Variants in CYP3A7 observed in about 807,000 individuals in gnomAD.
CYP3A7 encodes the protein cytochrome P450 3A7.
In CYP3A7, 45 loss-of-function variants were observed where a neutral mutation model predicts 55.2. The observed-to-expected ratio is 0.82, with a 90% CI of 0.64 to 1.05. CYP3A7 has a LOEUF of 1.05. Among genes scored for constraint, CYP3A7 ranks in the 50% least tolerant of loss-of-function variants. The pLI is 0.00. For synonymous variants in CYP3A7, 180 were observed against 207.4 expected (o/e 0.87, Z 1.13); for missense variants, 548 against 605.3 (o/e 0.91, Z 0.99).
chr7:99,734,448 T>G (rs917350163), intron 1 of CYP3A7, among the ~76,000 whole-genome samples: 3 of 152,106 alleles, frequency 2.0e-5, no homozygotes, highest in African/African-American at 7.2e-5. Flanking sequence ...CCATTGTCTA[T>G]TAGATTATCC....
chr7:99,731,004 C>G, intron 2 of CYP3A7, 55 bp downstream of exon 2: 1 of 1,602,090 alleles, frequency 6.2e-7, no homozygotes, highest in Non-Finnish European at 8.5e-7. Context: ...ACTGATGGAA[C>G]TAAGTTGCTC....
rs150350328 is a variant in CYP3A7 at position 99,734,510 on chromosome 7, G to A, written c.71+513C>T. On this transcript the variant is annotated intron_variant, in intron 1 of 12. Coordinates refer to ENST00000336374, the MANE Select transcript of CYP3A7 (RefSeq NM_000765.5). ...CTTTCCACTAAAGATGAATGGGGGA[G>A]ATGCTTATTTATTCCTTTATAGATC... Among the ~76,000 whole-genome samples, 35 of 152,244 alleles carry A rather than the reference G, an allele frequency of 2.3e-4. No homozygotes were observed. In the East Asian group the frequency reaches 6.6e-3, roughly 28 times the overall value.
chr7:99,714,511 T>G, intron 8 of CYP3A7, 44 bp downstream of exon 8: 1 of 1,607,250 alleles, frequency 6.2e-7, no homozygotes, highest in Non-Finnish European at 8.5e-7. Flanking sequence ...TTCTAAAAAA[T>G]TATGAAAACT....
At chr7:99,725,124 C>T (rs1318921143) in intron 2 of CYP3A7, among the ~76,000 whole-genome samples, 1 of 152,090 alleles carries the variant, frequency 6.6e-6, no homozygotes, top group Non-Finnish European at 1.5e-5. Flanking sequence ...GCATACAAGG[C>T]TGTTAATTAT....
At chr7:99,724,563 C>T (rs1053969513) in intron 2 of CYP3A7, among the ~76,000 whole-genome samples, 9 of 152,054 alleles carry the variant, frequency 5.9e-5, no homozygotes, top group African/African-American at 2.2e-4. Flanking sequence ...CTCCCCTCCC[C>T]ACCAGGCTGC....
At chr7:99,723,565 C>T (rs1436872225) in intron 2 of CYP3A7, among the ~76,000 whole-genome samples, 3 of 152,234 alleles carry the variant, frequency 2.0e-5, no homozygotes, top group Admixed American at 6.5e-5. Flanking sequence ...TTCACATGGA[C>T]GCAAATGACA....
chr7:99,708,829 G>T (rs2151501869), intron 11 of CYP3A7, among the ~76,000 whole-genome samples: 1 of 152,230 alleles, frequency 6.6e-6, no homozygotes, highest in South Asian at 2.1e-4. Flanking sequence ...ATCTTAAGTT[G>T]CTGGGACTGT....
At chr7:99,706,995 T>A (rs2687079) in intron 12 of CYP3A7, among the ~76,000 whole-genome samples, 113,982 of 152,172 alleles carry the variant, frequency 0.75, 46,293 homozygotes, top group Non-Finnish European at 0.91. Context: ...TGAAATTATA[T>A]GATAATAGCC....
At chr7:99,716,987 C>T (rs539176546) in intron 6 of CYP3A7, among the ~76,000 whole-genome samples, 190 bp downstream of exon 6, 2 of 152,298 alleles carry the variant, frequency 1.3e-5, no homozygotes, top group African/African-American at 4.8e-5. Flanking sequence ...GGGAGAAGAT[C>T]CTTTTCCTCC....
chr7:99,717,349 A>G (rs1813998512), intron 5 of CYP3A7, 84 bp from the exon 6 acceptor site: 15 of 1,607,812 alleles, frequency 9.3e-6, no homozygotes, highest in Middle Eastern at 1.7e-4. Flanking sequence ...GCATGGAACA[A>G]TAAGTGACAT....
In CYP3A7 at chr7:99,705,504, G is replaced by T. The variant is rs752315134; in HGVS notation, c.1508C>A (p.Ala503Asp). 1 of 1,613,430 alleles carries T rather than the reference G, an allele frequency of 6.2e-7. No individual in the cohort carries two copies. The highest frequency in any genetic ancestry group is 8.5e-7 in the Non-Finnish European group (1 of 1,179,560). The change falls in exon 13 of 13, where the codon GCC becomes GAC. Residue 503 changes from alanine (A) to aspartate (D), a missense_variant. Ala to Asp is a moderately radical substitution (Grantham distance 126). Transcript: ENST00000336374. ...AACCAGAAGTCCTTAGGGAAATCAG[G>T]CTCCACTTACGGTCTCATCCCTTGA... ...AESRDETVSG[A>D]
At chr7:99,709,320 G>T in intron 10 of CYP3A7, 59 bp from the exon 11 acceptor site, 1 of 1,574,358 alleles carries the variant, frequency 6.4e-7, no homozygotes, top group Non-Finnish European at 8.6e-7. Context: ...TTTTAACTCA[G>T]TCCATGTAGT....
intron 2 of CYP3A7, among the ~76,000 whole-genome samples, chr7:99,725,606 C>G (rs1814380130): frequency 6.6e-6 from 1 of 152,202 alleles, no homozygotes; most frequent in Admixed American, 6.5e-5. Flanking sequence ...TAAGCCGTGC[C>G]CTGTCTGTGT....
intron 2 of CYP3A7, among the ~76,000 whole-genome samples, chr7:99,725,955 T>A (rs1814394631): frequency 6.6e-6 from 1 of 152,192 alleles, no homozygotes; most frequent in Non-Finnish European, 1.5e-5. Context: ...ACTCCCCAAC[T>A]TTGGTGCCAA....
intron 1 of CYP3A7, among the ~76,000 whole-genome samples, chr7:99,733,505 C>T (rs1481775808): frequency 1.3e-5 from 2 of 152,238 alleles, no homozygotes; most frequent in Non-Finnish European, 2.9e-5. Context: ...TACACTATAG[C>T]TTCTGAATCC....
intron 6 of CYP3A7, 81 bp downstream of exon 6, chr7:99,717,096 A>G (rs1006154063): frequency 8.2e-6 from 13 of 1,588,086 alleles, no homozygotes; most frequent in South Asian, 1.1e-5. Context: ...GAATAACCCA[A>G]CAGCGGGAGT....
Position 99,714,649 on chromosome 7 carries a change from G to A in CYP3A7, c.704C>T (p.Ala235Val), listed in dbSNP as rs756633098. The change falls in exon 8 of 13, where the codon GCA (alanine) becomes GTA (valine). Residue 235 changes from alanine (A) to valine (V), a missense_variant. By Grantham distance (64) the Ala-to-Val change is moderately conservative (BLOSUM62 0). Coordinates refer to ENST00000336374, the MANE Select transcript of CYP3A7 (RefSeq NM_000765.5). The stretch of plus-strand genomic sequence containing the variant: ...TCTTGGAAACACAGTGATATTTAAT[G>A]CTTCAAGAATTGGGGTAAGGAATGG... ...VFPFLTPILE[A>V]LNITVFPRKV... is the part of the protein sequence containing the mutation. 3 of 1,612,578 alleles carry A rather than the reference G, an allele frequency of 1.9e-6. No homozygotes were observed. In the African/African-American group the frequency reaches 4.0e-5, roughly 22 times the overall value.
chr7:99,725,002 C>T (rs1319955315), intron 2 of CYP3A7, among the ~76,000 whole-genome samples: 2 of 152,166 alleles, frequency 1.3e-5, no homozygotes, highest in Admixed American at 6.6e-5. Flanking sequence ...TTCAAGAAGG[C>T]ATCAGGGCAG....
At chr7:99,732,180 C>G (rs1814652322) in intron 1 of CYP3A7, among the ~76,000 whole-genome samples, 2 of 152,150 alleles carry the variant, frequency 1.3e-5, no homozygotes, top group Non-Finnish European at 2.9e-5. Flanking sequence ...TTTATGAGAT[C>G]TGGTGGTTTA....
Sources: gnomAD v4.1 joint callset for allele counts (sites outside exome capture counted in the v4.1 genomes callset) on GRCh38, gnomAD v4.1.1 for gene constraint, MANE v1.5 for transcripts, NCBI Gene and HGNC (gene_info 2026-07-23, HGNC 2026-07-21) for gene names.